The following GCHFR variants were observed in gnomAD, a reference collection of about 807,000 sequenced individuals.
GCHFR encodes GTP cyclohydrolase I feedback regulator.
In GCHFR, 12 loss-of-function variants were observed where a neutral mutation model predicts 10.6. The ratio of observed to expected loss-of-function variants is 1.13; its 90% CI spans 0.72 to 1.83. GCHFR has a LOEUF of 1.83. Among genes scored for constraint, GCHFR ranks in the 40% most tolerant of loss-of-function variants. The probability of loss-of-function intolerance (pLI) is 0.00; values close to 1 mark genes in which losing one functional copy is unlikely to be tolerated. For synonymous variants in GCHFR, 54 were observed against 43.7 expected (o/e 1.24, Z -0.93); for missense variants, 116 against 110.6 (o/e 1.05, Z -0.22).
In GCHFR at chr15:40,767,409, C is replaced by T; in HGVS notation, c.*60C>T. ...GTGGAGGGGCTGCTGTGGGCCCTGA[C>T]CTCCAAGCTCCTGCCTCACCGTCTG... On this transcript the variant is annotated 3_prime_UTR_variant, in exon 3 of 3. Coordinates refer to ENST00000260447, the MANE Select transcript of GCHFR (RefSeq NM_005258.3). 6.6e-7 allele frequency: 1 copy of T among 1,503,976 alleles called. No homozygotes were observed. Among genetic ancestry groups the T allele is most frequent in the South Asian group, 1.3e-5 (1 of 78,944 alleles). The allele number at this position is 1,503,976 out of a possible 1,614,324, so 93.2% of individuals were successfully genotyped here.
chr15:40,765,584 T>C, intron 1 of GCHFR: 1 of 328,600 alleles, frequency 3.0e-6, no homozygotes, highest in Non-Finnish European at 5.5e-6. Context: ...TATAGGCTCG[T>C]GATACTTTGC....
At chr15:40,765,136 A>T (rs1888920606) in intron 1 of GCHFR, 1 of 152,216 alleles carries the variant, frequency 6.6e-6, no homozygotes, top group Non-Finnish European at 1.5e-5. Flanking sequence ...CCATACTTGG[A>T]AATGGCCCCC....
At chr15:40,766,148 C>T (rs1009241871) in intron 2 of GCHFR, 6 of 372,624 alleles carry the variant, frequency 1.6e-5, no homozygotes, top group East Asian at 4.2e-5. Context: ...TTACTGGAAC[C>T]GCAGAAACAG....
At chr15:40,764,604 A>C (rs1414526243) in intron 1 of GCHFR, 2 of 213,474 alleles carry the variant, frequency 9.4e-6, no homozygotes, top group Non-Finnish European at 1.8e-5. Context: ...ACCTGAGAGA[A>C]AGAGGTTTGG....
chr15:40,765,215 GATTTA>G (rs1324360697), intron 1 of GCHFR: 1 of 152,112 alleles, frequency 6.6e-6, no homozygotes, highest in Non-Finnish European at 1.5e-5. Flanking sequence ...TAAATTCTTT[GATTTA>G]AAGTGTACAA....
At chr15:40,765,683 G>T in intron 1 of GCHFR, 144 bp from the exon 2 acceptor site, 1 of 432,082 alleles carries the variant, frequency 2.3e-6, no homozygotes, top group Non-Finnish European at 4.2e-6. Context: ...CACAGCTTGT[G>T]CTCAGCCCCT....
At chr15:40,764,526 C>T in intron 1 of GCHFR, 2 of 409,660 alleles carry the variant, frequency 4.9e-6, no homozygotes, top group East Asian at 8.2e-5. Context: ...ACCCAGGGAG[C>T]CCTGGCCTCA....
intron 2 of GCHFR, 98 bp from the exon 3 acceptor site, chr15:40,767,128 A>T: frequency 7.9e-7 from 1 of 1,270,814 alleles, no homozygotes; most frequent in South Asian, 2.1e-5. Context: ...AGTGTGAGTC[A>T]CTACAAGAGT....
At position 40,765,965 on chromosome 15, in the gene GCHFR, A is replaced by T. The variant is rs771691439; in HGVS notation, c.131+44A>T. 12 of 1,025,480 alleles carry T rather than the reference A, an allele frequency of 1.2e-5. No homozygotes were observed. The Admixed American group carries it at 2.5e-4, about 22-fold the overall frequency. 63.5% of individuals were successfully genotyped at this position (1,025,480 alleles called of 1,614,324 possible). Reference sequence around the variant, plus strand: ...CAGTATCCTCTCCCTGCCAGCCCCTAGACCTGCCTCTGCTCCCTTTATACA... The same window carrying T: ...CAGTATCCTCTCCCTGCCAGCCCCTTGACCTGCCTCTGCTCCCTTTATACA... On this transcript the variant is annotated intron_variant, in intron 2 of 2. Coordinates refer to ENST00000260447, the MANE Select transcript of GCHFR (RefSeq NM_005258.3).
Position 40,767,659 on chromosome 15 carries a change from G to A in GCHFR, c.*310G>A. 3.4e-6 allele frequency: 2 copies of A among 585,226 alleles called. No individual in the cohort carries two copies. Among genetic ancestry groups the A allele is most frequent in the Admixed American group, 3.6e-5 (1 of 28,118 alleles). 36.3% of individuals were successfully genotyped at this position (585,226 alleles called of 1,614,324 possible). A position where few individuals can be genotyped will look rare whatever the true frequency, so the allele number is the denominator to read the frequency against. On this transcript the variant is annotated 3_prime_UTR_variant, in exon 3 of 3. Coordinates refer to ENST00000260447, the MANE Select transcript of GCHFR (RefSeq NM_005258.3). ...AGCTGGGCACTCCAGCGGCCCTGGC[G>A]CGTGGCTCCTGCATAGCTAGCCCAA...
chr15:40,767,091 A>T, intron 2 of GCHFR, 135 bp from the exon 3 acceptor site: 1 of 834,508 alleles, frequency 1.2e-6, no homozygotes. Flanking sequence ...GCGTGCACTT[A>T]CCCCAGCGCC....
chr15:40,767,531 G>A lies in GCHFR; in HGVS notation c.*182G>A. 1.4e-6 allele frequency: 1 copy of A among 719,478 alleles called. No individual in the cohort carries two copies. The highest frequency in any genetic ancestry group is 1.9e-5 in the African/African-American group (1 of 53,910). The allele number at this position is 719,478 out of a possible 1,614,324, so 44.6% of individuals were successfully genotyped here. ...AAACCCTGCGTCAAGCAGTGGGAGA[G>A]GGCAGTGCCCGGTGCCCTGGTGCTC... On this transcript the variant is annotated 3_prime_UTR_variant, in exon 3 of 3. Coordinates refer to ENST00000260447, the MANE Select transcript of GCHFR (RefSeq NM_005258.3).
chr15:40,765,788 T>A (rs547975085), intron 1 of GCHFR, 39 bp from the exon 2 acceptor site: 12 of 1,120,058 alleles, frequency 1.1e-5, no homozygotes, highest in Non-Finnish European at 1.3e-5. Flanking sequence ...CACCTCCTCC[T>A]GGCAGCCAGC....
At chr15:40,765,115 G>T (rs1334300011) in intron 1 of GCHFR, 2 of 152,174 alleles carry the variant, frequency 1.3e-5, no homozygotes, top group Non-Finnish European at 2.9e-5. Flanking sequence ...CTCTGTCTGG[G>T]GCTTGGGAAC....
At chr15:40,765,990 A>C in intron 2 of GCHFR, 69 bp downstream of exon 2, 1 of 726,178 alleles carries the variant, frequency 1.4e-6, no homozygotes, top group Non-Finnish European at 2.2e-6. Flanking sequence ...CCCTTTATAC[A>C]ACCTCCAAGC....
rs759801000 is a variant in GCHFR, at chr15:40,764,108, C to G, written c.-73C>G. The G allele has an allele frequency of 4.4e-5, 63 of 1,420,332 alleles. No individual in the cohort carries two copies. Among genetic ancestry groups the G allele is most frequent in the Non-Finnish European group, 5.7e-5 (60 of 1,048,430 alleles). The allele number at this position is 1,420,332 out of a possible 1,614,324, so 88.0% of individuals were successfully genotyped here. The stretch of plus-strand genomic sequence containing the variant: ...GGACTCCCAGCTGCGCGTCGCAGTC[C>G]CGACGCGAGAAGGGCTGGAGTCGGC... On this transcript the variant is annotated 5_prime_UTR_variant, in exon 1 of 3. Transcript: ENST00000260447.
Position 40,764,127 on chromosome 15 carries a change from A to T in GCHFR, c.-54A>T. The T allele has an allele frequency of 6.6e-7, 1 of 1,510,982 alleles. No homozygotes were observed. Among genetic ancestry groups the T allele is most frequent in the Non-Finnish European group, 8.9e-7 (1 of 1,123,856 alleles). 93.6% of individuals were successfully genotyped at this position (1,510,982 alleles called of 1,614,324 possible). A position where few individuals can be genotyped will look rare whatever the true frequency, so the allele number is the denominator to read the frequency against. On this transcript the variant is annotated 5_prime_UTR_variant, in exon 1 of 3. Transcript: ENST00000260447. The stretch of plus-strand genomic sequence containing the variant: ...GCAGTCCCGACGCGAGAAGGGCTGG[A>T]GTCGGCGTCCAGCCTAGAGCCCCCG...
At position 40,767,200 on chromosome 15, in the gene GCHFR, A is replaced by ACC. The variant is rs137970311; in HGVS notation, c.132-19_132-18dup. ...AGGAGCTTGCTGTGTGCCCCTCCTC[A>ACC]CCCCCCCCATCCTGTCTCTTTGCAG... On this transcript the variant is annotated intron_variant, in intron 2 of 2. Transcript: ENST00000260447. 2.9e-5 allele frequency: 42 copies of ACC among 1,457,552 alleles called. No homozygotes were observed. In the African/African-American group the frequency reaches 5.0e-4, roughly 18 times the overall value. The allele number at this position is 1,457,552 out of a possible 1,614,324, so 90.3% of individuals were successfully genotyped here.
intron 1 of GCHFR, among the ~76,000 whole-genome samples, chr15:40,764,914 G>A (rs1040130742): frequency 6.6e-6 from 1 of 152,200 alleles, no homozygotes; most frequent in African/African-American, 2.4e-5. Context: ...GACATGACGG[G>A]CAGCAAGGTG....
Sources: allele counts gnomAD v4.1 joint callset (sites outside exome capture counted in the v4.1 genomes callset), GRCh38; gene constraint gnomAD v4.1.1; transcripts MANE v1.5; gene names NCBI Gene and HGNC (gene_info 2026-07-23, HGNC 2026-07-21).